TUSC3: variants seen among roughly 807,000 people sequenced by gnomAD.
TUSC3 encodes the protein tumor suppressor candidate 3.
In TUSC3, 45 loss-of-function variants were observed where a neutral mutation model predicts 44.8. The ratio of observed to expected loss-of-function variants is 1.00; its 90% CI spans 0.79 to 1.29. TUSC3 has a LOEUF of 1.29. Among genes scored for constraint, TUSC3 ranks in the 50% most tolerant of loss-of-function variants. The probability of loss-of-function intolerance (pLI) is 0.00; values close to 1 mark genes in which losing one functional copy is unlikely to be tolerated. For synonymous variants in TUSC3, 212 were observed against 152.9 expected (o/e 1.39, Z -2.85); for missense variants, 519 against 437.9 (o/e 1.19, Z -1.65).
chr8:15,804,704 A>G, the TUSC3 span, among the ~76,000 whole-genome samples: 3,676 of 152,242 alleles, frequency 0.024, 56 homozygotes, highest in Middle Eastern at 0.072. Flanking sequence ...TACCAGTACC[A>G]TGTGGTTTTG....
intron 1 of TUSC3, among the ~76,000 whole-genome samples, chr8:15,453,713 A>T (rs954779989): frequency 6.6e-6 from 1 of 152,144 alleles, no homozygotes; most frequent in African/African-American, 2.4e-5. Context: ...TTACACAGAG[A>T]ATTATTCTTG....
At chr8:15,719,352 C>T (rs971424776) in intron 6 of TUSC3, among the ~76,000 whole-genome samples, 3 of 151,996 alleles carry the variant, frequency 2.0e-5, no homozygotes, top group Admixed American at 6.6e-5. Flanking sequence ...TGCTCAGATG[C>T]CAAAGATGTC....
the TUSC3 span, among the ~76,000 whole-genome samples, chr8:15,798,050 G>T: frequency 6.6e-6 from 1 of 152,158 alleles, no homozygotes; most frequent in Non-Finnish European, 1.5e-5. Context: ...ACCTAGGAGA[G>T]GAAAGAAACA....
chr8:15,806,793 G>A, the TUSC3 span: 1 of 825,052 alleles, frequency 1.2e-6, no homozygotes. Context: ...TTTTCTAGCG[G>A]ATTTGCAATT....
upstream of TUSC3, among the ~76,000 whole-genome samples, chr8:15,536,681 CAAAAAAAAAAAAAAAAAAAAAAAAA>C (rs570573410): frequency 3.5e-4 from 16 of 45,596 alleles, no homozygotes; most frequent in Middle Eastern, 0.018. Context: ...GATTCCGTCT[CAAAAAAAAAAAAAAAAAAAAAAAAA>C]AAAAAAAAAA....
chr8:15,534,622 G>A (rs10087664), intron 2 of TUSC3, among the ~76,000 whole-genome samples: 1 of 143,254 alleles, frequency 7.0e-6, no homozygotes, highest in Admixed American at 7.3e-5. Flanking sequence ...CAGCCTAGGT[G>A]ACAGAGCGAG....
chr8:15,748,741 A>G lies in TUSC3; in HGVS notation c.1028+276A>G, dbSNP rs753996287. On this transcript the variant is annotated intron_variant, in intron 9 of 10. Coordinates refer to ENST00000503731, the MANE Select transcript of TUSC3 (RefSeq NM_006765.4). ...GTTTAAGCTCATTTTGAGGACTTGA[A>G]AATTTTTATCTTCCCTTAGTTTGTC... 15 of 586,190 alleles carry G rather than the reference A, an allele frequency of 2.6e-5. No individual in the cohort carries two copies. In the Admixed American group the frequency reaches 2.6e-4, roughly 10 times the overall value. The allele number at this position is 586,190 out of a possible 1,614,324, so 36.3% of individuals were successfully genotyped here.
At chr8:15,452,111 A>G (rs758567793) in intron 1 of TUSC3, among the ~76,000 whole-genome samples, 17 of 152,198 alleles carry the variant, frequency 1.1e-4, no homozygotes, top group Non-Finnish European at 1.9e-4. Context: ...ATTTAATGGT[A>G]ATAGTGTTTT....
chr8:15,700,499 T>A (rs1027447288), intron 6 of TUSC3, among the ~76,000 whole-genome samples: 19 of 152,152 alleles, frequency 1.2e-4, no homozygotes, highest in African/African-American at 4.6e-4. Context: ...GGAAAAAAAT[T>A]AAATTTCTTC....
At chr8:15,445,589 C>T (rs1032300357) in intron 1 of TUSC3, among the ~76,000 whole-genome samples, 3 of 152,166 alleles carry the variant, frequency 2.0e-5, no homozygotes, top group Non-Finnish European at 4.4e-5. Context: ...ATCCATTTAA[C>T]CCTGAGTGGA....
intron 1 of TUSC3, among the ~76,000 whole-genome samples, chr8:15,571,795 G>C (rs1276253831): frequency 2.6e-5 from 4 of 152,078 alleles, no homozygotes; most frequent in Admixed American, 6.6e-5. Context: ...TTTATGCAGC[G>C]TTCTTTCTCC....
In TUSC3 at chr8:15,423,997, T is replaced by G. The variant is rs1451209606; in HGVS notation, n.91+6692T>G. 2.2e-5 allele frequency among the ~76,000 whole-genome samples: 3 copies of G among 134,536 alleles called. No homozygotes were observed. In the South Asian group the frequency reaches 7.5e-4, roughly 34 times the overall value. The allele number at this position is 134,536 out of a possible 152,430, so 88.3% of individuals were successfully genotyped here. ...TTTTTTTTTTTTTTTTTTTTTTTTT[T>G]TTTTTTTTTTGAGAAGGAGTTTTGC... On this transcript the variant is annotated intron_variant and non_coding_transcript_variant, in intron 1 of 5. Coordinates refer to the TUSC3 transcript ENST00000503191.
At chr8:15,797,916 T>C in the TUSC3 span, among the ~76,000 whole-genome samples, 4 of 152,178 alleles carry the variant, frequency 2.6e-5, no homozygotes, top group Non-Finnish European at 4.4e-5. Flanking sequence ...GGTTTTTTTT[T>C]CCACCGACTA....
At chr8:15,663,456 G>A (rs561762930) in intron 5 of TUSC3, among the ~76,000 whole-genome samples, 163 of 151,696 alleles carry the variant, frequency 1.1e-3, no homozygotes, top group Middle Eastern at 3.4e-3. Flanking sequence ...CAAAAAATTA[G>A]GGGTCTTGAT....
At chr8:15,612,313 G>C (rs1332063924) in intron 1 of TUSC3, among the ~76,000 whole-genome samples, 1 of 152,060 alleles carries the variant, frequency 6.6e-6, no homozygotes, top group African/African-American at 2.4e-5. Flanking sequence ...GGTACATCTG[G>C]TCATGTTCCT....
chr8:15,605,452 T>C (rs1585145558), intron 1 of TUSC3, among the ~76,000 whole-genome samples: 1 of 152,138 alleles, frequency 6.6e-6, no homozygotes, highest in African/African-American at 2.4e-5. Flanking sequence ...AAGCCATTAT[T>C]GATTTGCTAC....
At chr8:15,522,314 C>T (rs1038870326) in intron 2 of TUSC3, among the ~76,000 whole-genome samples, 5 of 151,890 alleles carry the variant, frequency 3.3e-5, no homozygotes, top group African/African-American at 7.3e-5. Flanking sequence ...CTCACTGCAA[C>T]CTCTGCCTCC....
intron 6 of TUSC3, among the ~76,000 whole-genome samples, chr8:15,716,803 T>C (rs1810077913): frequency 2.0e-5 from 3 of 152,142 alleles, no homozygotes; most frequent in Admixed American, 6.6e-5. Flanking sequence ...TATATAGTTA[T>C]TTAAATCATC....
chr8:15,664,436 A>ATTT (rs1307799190), intron 5 of TUSC3, among the ~76,000 whole-genome samples: 2 of 112,632 alleles, frequency 1.8e-5, no homozygotes, highest in Admixed American at 1.0e-4. Flanking sequence ...TGTTATACAG[A>ATTT]TTTATTATTA....
Sources: gnomAD v4.1 joint callset for allele counts (sites outside exome capture counted in the v4.1 genomes callset) on GRCh38, gnomAD v4.1.1 for gene constraint, MANE v1.5 for transcripts, NCBI Gene and HGNC (gene_info 2026-07-23, HGNC 2026-07-21) for gene names.